Variants in SUPT16H observed in about 807,000 individuals in gnomAD.
SUPT16H encodes FACT complex subunit SPT16.
In SUPT16H, 24 loss-of-function variants were observed where a neutral mutation model predicts 136.2. That is an observed-to-expected ratio of 0.18 (90% CI 0.13 to 0.25). The LOEUF (loss-of-function observed/expected upper bound fraction) is 0.25, where lower values mean the gene tolerates loss of function less well. SUPT16H is among the 10% of genes least tolerant of loss of function. SUPT16H has a pLI of 1.00. For synonymous variants in SUPT16H, 415 were observed against 428.2 expected (o/e 0.97, Z 0.38); for missense variants, 623 against 1,270.2 (o/e 0.49, Z 7.74).
chr14:21,370,168 A>G (rs1886755589), intron 4 of SUPT16H, among the ~76,000 whole-genome samples, 168 bp downstream of exon 4: 1 of 152,216 alleles, frequency 6.6e-6, no homozygotes, highest in Non-Finnish European at 1.5e-5. Flanking sequence ...CAGATAGAAG[A>G]AAGGCAGGGA....
Position 21,352,322 on chromosome 14 carries a change from G to A in SUPT16H, c.*351C>T. ...TAATTAAGGGTCACCTTGTACCACT[G>A]TCTTGGAAATACAGCTTTGAGACAC... On this transcript the variant is annotated 3_prime_UTR_variant, in exon 26 of 26. Coordinates refer to ENST00000216297, the MANE Select transcript of SUPT16H (RefSeq NM_007192.4). 1 of 287,782 alleles carries A rather than the reference G, an allele frequency of 3.5e-6. No homozygotes were observed. Among genetic ancestry groups the A allele is most frequent in the Non-Finnish European group, 6.8e-6 (1 of 147,140 alleles). 17.8% of individuals were successfully genotyped at this position (287,782 alleles called of 1,614,324 possible).
intron 14 of SUPT16H, 121 bp downstream of exon 14, chr14:21,362,673 C>T: frequency 1.7e-6 from 2 of 1,168,700 alleles, no homozygotes; most frequent in Non-Finnish European, 2.4e-6. Flanking sequence ...ATGTCAGTAA[C>T]TGAACAGAGT....
intron 6 of SUPT16H, among the ~76,000 whole-genome samples, chr14:21,368,671 A>G (rs747547143): frequency 6.6e-6 from 1 of 152,238 alleles, no homozygotes; most frequent in East Asian, 1.9e-4. Context: ...TTCAGTGAGT[A>G]AGTGAGTACT....
rs1886482522 is a variant in SUPT16H, at chr14:21,358,546, G to A, written c.2302-119C>T. 8.9e-6 allele frequency: 6 copies of A among 671,390 alleles called. No individual in the cohort carries two copies. In the South Asian group the frequency reaches 1.1e-4, roughly 13 times the overall value. The allele number at this position is 671,390 out of a possible 1,614,324, so 41.6% of individuals were successfully genotyped here. On this transcript the variant is annotated intron_variant, in intron 19 of 25. Coordinates refer to ENST00000216297, the MANE Select transcript of SUPT16H (RefSeq NM_007192.4). ...AATTCCAACTTTTAAGTTCAGGAGT[G>A]CATGGGCAGGATTTGCAGGTTTGTT...
intron 6 of SUPT16H, among the ~76,000 whole-genome samples, 181 bp from the exon 7 acceptor site, chr14:21,368,622 T>G (rs1364797463): frequency 6.6e-6 from 1 of 152,242 alleles, no homozygotes; most frequent in East Asian, 1.9e-4. Flanking sequence ...ATAAAGGCTC[T>G]GGAGTAAAAG....
intron 1 of SUPT16H, among the ~76,000 whole-genome samples, chr14:21,378,787 G>A (rs546080334): frequency 1.2e-4 from 18 of 152,248 alleles, no homozygotes; most frequent in Non-Finnish European, 1.9e-4. Context: ...GTTGCCTCTG[G>A]GATAGGTGAC....
rs139418140 is a variant in SUPT16H, at chr14:21,365,103, T to C, written c.1087A>G (p.Ile363Val). Residue 363 changes from isoleucine (I) to valine (V), a missense_variant, in exon 9 of 26, where the codon ATC becomes GTC. Ile to Val is a conservative substitution (Grantham distance 29). Around this residue, in one of 7 missense-constraint regions of SUPT16H, gnomAD observed 343 missense variants for 525.7 expected, o/e 0.65. Coordinates refer to ENST00000216297, the MANE Select transcript of SUPT16H (RefSeq NM_007192.4). The stretch of plus-strand genomic sequence containing the variant: ...AGTTTGTATTGATTTTTGCTATTGA[T>C]TACTAGGGAGCCTTCACGGAATTCA... ...GIEFREGSLV[I>V]NSKNQYKLKK... 992 of 1,613,868 alleles carry C rather than the reference T, an allele frequency of 6.1e-4. 3 individuals carry two copies. The highest frequency in any genetic ancestry group is 7.3e-4 in the Non-Finnish European group (867 of 1,179,898).
chr14:21,368,005 T>C (rs1053027278), intron 7 of SUPT16H, among the ~76,000 whole-genome samples: 12 of 152,188 alleles, frequency 7.9e-5, no homozygotes, highest in Non-Finnish European at 8.8e-5. Context: ...GCCTTGACCA[T>C]TCAGGCTCAA....
At chr14:21,356,384 A>G (rs572215131) in intron 22 of SUPT16H, among the ~76,000 whole-genome samples, 1 of 152,348 alleles carries the variant, frequency 6.6e-6, no homozygotes. Flanking sequence ...TTCAGCAGAG[A>G]GATCTCACAA....
chr14:21,357,440 G>C, intron 21 of SUPT16H, 74 bp from the exon 22 acceptor site: 2 of 1,390,420 alleles, frequency 1.4e-6, no homozygotes, highest in Non-Finnish European at 1.9e-6. Flanking sequence ...TAACTTTCAT[G>C]ATCTAAATCA....
At chr14:21,359,806 C>T (rs1334690122) in intron 18 of SUPT16H, among the ~76,000 whole-genome samples, 197 bp from the exon 19 acceptor site, 1 of 152,160 alleles carries the variant, frequency 6.6e-6, no homozygotes, top group Non-Finnish European at 1.5e-5. Context: ...CTACTTATTA[C>T]AGGAACTTTG....
At chr14:21,381,476 CT>C (rs894804088) in intron 1 of SUPT16H, among the ~76,000 whole-genome samples, 45 of 151,940 alleles carry the variant, frequency 3.0e-4, no homozygotes, top group African/African-American at 1.1e-3. Flanking sequence ...ACCACTACAG[CT>C]TTTAAGGGCT....
intron 2 of SUPT16H, 59 bp from the exon 3 acceptor site, chr14:21,372,103 TATAG>T: frequency 6.6e-7 from 1 of 1,522,448 alleles, no homozygotes; most frequent in South Asian, 1.2e-5. Flanking sequence ...AATGGACTCA[TATAG>T]ATATACAGAA....
intron 1 of SUPT16H, among the ~76,000 whole-genome samples, chr14:21,381,808 C>T (rs1255746546): frequency 1.5e-5 from 2 of 136,802 alleles, no homozygotes; most frequent in East Asian, 2.1e-4. Flanking sequence ...TTTGTAGAGA[C>T]GGGGGTCTCA....
chr14:21,353,704 T>C lies in SUPT16H; in HGVS notation c.2919A>G (p.Ser973=). The C allele has an allele frequency of 6.2e-7, 1 of 1,613,094 alleles. No individual in the cohort carries two copies. Among genetic ancestry groups the C allele is most frequent in the Admixed American group, 1.7e-5 (1 of 59,750 alleles). ...CGAACTTTGCTCTGTAAGACTAACC[T>C]GACTCTTCTGCTTCTGATGAATAAT... ...DEDYSSEAEE[S]DYSKESLGSE... Residue 973 remains serine (S), a splice_region_variant and synonymous_variant, in exon 24 of 26, where the codon TCA becomes TCG. Transcript: ENST00000216297.
At chr14:21,382,526 G>A (rs948300724) in intron 1 of SUPT16H, among the ~76,000 whole-genome samples, 30 of 152,146 alleles carry the variant, frequency 2.0e-4, no homozygotes, top group African/African-American at 7.0e-4. Context: ...CTGAATCACT[G>A]GGACTAGAAA....
At chr14:21,370,679 T>C (rs1407340776) in intron 3 of SUPT16H, among the ~76,000 whole-genome samples, 191 bp from the exon 4 acceptor site, 3 of 152,138 alleles carry the variant, frequency 2.0e-5, no homozygotes, top group African/African-American at 7.2e-5. Flanking sequence ...AGTGGTGTGA[T>C]CACAGCTTAC....
At chr14:21,360,795 A>G (rs750751809) in intron 17 of SUPT16H, 51 bp downstream of exon 17, 1 of 1,575,000 alleles carries the variant, frequency 6.3e-7, no homozygotes, top group Non-Finnish European at 8.6e-7. Context: ...TGTCATTCCT[A>G]ACAAATGTGC....
Position 21,383,947 on chromosome 14 carries a change from C to T in SUPT16H, c.-20G>A, listed in dbSNP as rs779372968. On this transcript the variant is annotated 5_prime_UTR_variant, in exon 1 of 26. Transcript: ENST00000216297. The stretch of plus-strand genomic sequence containing the variant: ...AGCCATAGCCCCGGACGCCGCTTCT[C>T]CTCGGGTTCCGAGAATCACGCGAGG... 3.1e-6 allele frequency: 5 copies of T among 1,612,174 alleles called. No homozygotes were observed. In the African/African-American group the frequency reaches 4.0e-5, roughly 13 times the overall value.
Sources: allele counts gnomAD v4.1 joint callset (sites outside exome capture counted in the v4.1 genomes callset), GRCh38; gene constraint gnomAD v4.1.1; regional missense constraint gnomAD v4.1.1; transcripts MANE v1.5; gene names NCBI Gene and HGNC (gene_info 2026-07-23, HGNC 2026-07-21).